Variants in SERPINA4 observed in about 807,000 individuals in gnomAD.
SERPINA4 encodes the protein kallistatin.
In SERPINA4, 24 loss-of-function variants were observed where a neutral mutation model predicts 25.4. The ratio of observed to expected loss-of-function variants is 0.95; its 90% confidence interval spans 0.69 to 1.33. The LOEUF is 1.33. Among genes scored for constraint, SERPINA4 ranks in the 40% most tolerant of loss-of-function variants. The probability of loss-of-function intolerance (pLI) is 0.00; values close to 1 mark genes in which losing one functional copy is unlikely to be tolerated. For synonymous variants in SERPINA4, 242 were observed against 223.6 expected (o/e 1.08, Z -0.73); for missense variants, 553 against 535.8 (o/e 1.03, Z -0.32).
At position 94,566,305 on chromosome 14, in the gene SERPINA4, A is replaced by G. The variant is rs1254657180; in HGVS notation, c.650-665A>G. ...GGTCTCACTTGATATTTGTGAATGC[A>G]AATTTTCATTGATATCTCTACACTG... On this transcript the variant is annotated intron_variant, in intron 2 of 4. Coordinates refer to ENST00000557004, the MANE Select transcript of SERPINA4 (RefSeq NM_006215.4). 3.3e-5 allele frequency among the ~76,000 whole-genome samples: 5 copies of G among 152,310 alleles called. No homozygotes were observed. In the East Asian group the frequency reaches 9.6e-4, roughly 29 times the overall value.
chr14:94,564,691 T>C (rs1022864547), intron 2 of SERPINA4, among the ~76,000 whole-genome samples: 1 of 152,236 alleles, frequency 6.6e-6, no homozygotes, highest in African/African-American at 2.4e-5. Flanking sequence ...GCAGGTTGAT[T>C]CATTACTGCA....
chr14:94,563,632 G>C lies in SERPINA4; in HGVS notation c.150G>C (p.Lys50Asn). The C allele has an allele frequency of 1.2e-6, 2 of 1,613,876 alleles. No individual in the cohort carries two copies. The highest frequency in any genetic ancestry group is 1.7e-6 in the Non-Finnish European group (2 of 1,180,038). The change falls in exon 2 of 5, where the codon AAG becomes AAC. Residue 50 changes from lysine (K) to asparagine (N), a missense_variant. Coordinates refer to ENST00000557004, the MANE Select transcript of SERPINA4 (RefSeq NM_006215.4). ...LETGEGSPSL[K>N]IAPANADFAF... ...CAGGTGAGGGCTCCCCCAGCCTCAA[G>C]ATAGCCCCTGCCAATGCTGACTTTG...
intron 4 of SERPINA4, 127 bp downstream of exon 4, chr14:94,568,415 A>G: frequency 1.0e-6 from 1 of 961,716 alleles, no homozygotes; most frequent in Non-Finnish European, 1.5e-6. Flanking sequence ...AGTCATCTAC[A>G]GGCATCAGCA....
chr14:94,568,468 G>A (rs971490060), intron 4 of SERPINA4, among the ~76,000 whole-genome samples, 180 bp downstream of exon 4: 5 of 152,202 alleles, frequency 3.3e-5, no homozygotes, highest in Admixed American at 1.3e-4. Context: ...AGGTGCTGGA[G>A]ATATAGTGTT....
intron 2 of SERPINA4, 102 bp from the exon 3 acceptor site, chr14:94,566,868 C>A: frequency 1.5e-6 from 2 of 1,368,528 alleles, no homozygotes; most frequent in Non-Finnish European, 2.0e-6. Context: ...GGATCTGGAG[C>A]GACTGTTTCT....
At chr14:94,568,964 G>T (rs1318091382) in intron 4 of SERPINA4, among the ~76,000 whole-genome samples, 1 of 152,106 alleles carries the variant, frequency 6.6e-6, no homozygotes, top group Admixed American at 6.5e-5. Flanking sequence ...TTGCAGATAA[G>T]AGAAAGAGAC....
In SERPINA4 at chr14:94,563,614, G is replaced by A. The variant is rs780563172; in HGVS notation, c.132G>A (p.Glu44=). 1 of 1,613,778 alleles carries A rather than the reference G, an allele frequency of 6.2e-7. No individual in the cohort carries two copies. Among genetic ancestry groups the A allele is most frequent in the African/African-American group, 1.3e-5 (1 of 74,940 alleles). The part of the protein sequence containing the change: ...SSHQQILETG[E]GSPSLKIAPA... ...ACCAGCAGATTCTGGAGACAGGTGA[G>A]GGCTCCCCCAGCCTCAAGATAGCCC... The change falls in exon 2 of 5, where the codon GAG becomes GAA. Residue 44 remains glutamate (E), a synonymous_variant. Coordinates refer to ENST00000557004, the MANE Select transcript of SERPINA4 (RefSeq NM_006215.4).
chr14:94,568,224 A>G lies in SERPINA4; in HGVS notation c.1019A>G (p.Asp340Gly). Reference protein sequence around the residue: ...DQILPRLGFTDLFSKWADLSG... With the variant: ...DQILPRLGFTGLFSKWADLSG... ...ATTTTGCCCAGGCTGGGCTTCACGGATCTGTTCTCCAAGTGGGCTGACTTA... is the reference window on the plus strand; with the variant it reads ...ATTTTGCCCAGGCTGGGCTTCACGGGTCTGTTCTCCAAGTGGGCTGACTTA... The change falls in exon 4 of 5, where the codon GAT becomes GGT. Residue 340 changes from aspartate (D) to glycine (G), a missense_variant. Physicochemically the swap from Asp to Gly is moderately conservative, Grantham distance 94. Coordinates refer to ENST00000557004, the MANE Select transcript of SERPINA4 (RefSeq NM_006215.4). 1 of 1,614,176 alleles carries G rather than the reference A, an allele frequency of 6.2e-7. No individual in the cohort carries two copies. The highest frequency in any genetic ancestry group is 8.5e-7 in the Non-Finnish European group (1 of 1,180,020).
chr14:94,562,629 A>G (rs901676373), intron 1 of SERPINA4, among the ~76,000 whole-genome samples: 8 of 152,244 alleles, frequency 5.3e-5, no homozygotes, highest in Admixed American at 3.9e-4. Context: ...AACCAAACAA[A>G]CAAAAAAAAC....
At chr14:94,561,768 C>A (rs559530503) in intron 1 of SERPINA4, 10 of 1,289,492 alleles carry the variant, frequency 7.8e-6, no homozygotes, top group African/African-American at 3.0e-5. Flanking sequence ...TGGTACAGGG[C>A]GGCACTGACT....
At chr14:94,563,313 A>G (rs1902083084) in intron 1 of SERPINA4, 153 bp from the exon 2 acceptor site, 1 of 214,546 alleles carries the variant, frequency 4.7e-6, no homozygotes, top group Non-Finnish European at 8.0e-6. Context: ...TACATGTGGA[A>G]GGTGGTGGGT....
In SERPINA4 at chr14:94,565,894, A is replaced by AT. The variant is rs1387668520; in HGVS notation, c.650-1076_650-1075insT. Among the ~76,000 whole-genome samples the AT allele has an allele frequency of 1.9e-4, 29 of 151,250 alleles. No homozygotes were observed. In the East Asian group the frequency reaches 5.6e-3, roughly 29 times the overall value. ...TGAAATAACAAAACTTTTAAACTTT[A>AT]AAAAAAAAATTAACTAAGGAAGGAA... On this transcript the variant is annotated intron_variant, in intron 2 of 4. Coordinates refer to ENST00000557004, the MANE Select transcript of SERPINA4 (RefSeq NM_006215.4).
rs760141101 is a variant in SERPINA4, at chr14:94,568,195, T to A, written c.990T>A (p.Asp330Glu). The change falls in exon 4 of 5, where the codon GAT becomes GAA. Residue 330 changes from aspartate (D) to glutamate (E), a missense_variant. By Grantham distance (45) the Asp-to-Glu change is conservative. Transcript: ENST00000557004. ...KFSISGSYVL[D>E]QILPRLGFTD... Reference sequence around the variant, plus strand: ...CCATTTCTGGCTCCTATGTATTAGATCAGATTTTGCCCAGGCTGGGCTTCA... The same window carrying A: ...CCATTTCTGGCTCCTATGTATTAGAACAGATTTTGCCCAGGCTGGGCTTCA... The A allele has an allele frequency of 4.8e-5, 78 of 1,614,112 alleles. No individual in the cohort carries two copies. Among genetic ancestry groups the A allele is most frequent in the Non-Finnish European group, 6.4e-5 (75 of 1,180,050 alleles).
At chr14:94,566,336 C>T (rs1902208882) in intron 2 of SERPINA4, among the ~76,000 whole-genome samples, 2 of 152,212 alleles carry the variant, frequency 1.3e-5, no homozygotes, top group Non-Finnish European at 2.9e-5. Flanking sequence ...CACTGTCCAG[C>T]AATCCTACCT....
chr14:94,563,324 G>C, intron 1 of SERPINA4, 142 bp from the exon 2 acceptor site: 1 of 788,484 alleles, frequency 1.3e-6, no homozygotes, highest in Non-Finnish European at 2.1e-6. Context: ...GGTGGTGGGT[G>C]TTACATTGCC....
chr14:94,569,730 C>A lies in SERPINA4; in HGVS notation c.*135C>A, dbSNP rs940699658. The A allele has an allele frequency of 2.2e-6, 2 of 902,104 alleles. No individual in the cohort carries two copies. Among genetic ancestry groups the A allele is most frequent in the Admixed American group, 2.3e-5 (1 of 43,592 alleles). 55.9% of individuals were successfully genotyped at this position (902,104 alleles called of 1,614,324 possible). A position where few individuals can be genotyped will look rare whatever the true frequency, so the allele number is the denominator to read the frequency against. On this transcript the variant is annotated 3_prime_UTR_variant, in exon 5 of 5. Transcript: ENST00000557004. ...GGAGTCCAGGACAGCAGGTGCTGGC[C>A]GGTGGGGAGCGGGGAGGGGCACTGA...
intron 1 of SERPINA4, among the ~76,000 whole-genome samples, chr14:94,562,415 T>C (rs1395153695): frequency 9.2e-5 from 14 of 152,084 alleles, no homozygotes; most frequent in Non-Finnish European, 1.0e-4. Context: ...CCCAACTCTA[T>C]AAAAAATTAG....
At position 94,569,903 on chromosome 14, in the gene SERPINA4, T is replaced by A; in HGVS notation, c.*308T>A. 1 of 417,278 alleles carries A rather than the reference T, an allele frequency of 2.4e-6. No individual in the cohort carries two copies. The highest frequency in any genetic ancestry group is 4.4e-6 in the Non-Finnish European group (1 of 226,560). The allele number at this position is 417,278 out of a possible 1,614,324, so 25.8% of individuals were successfully genotyped here. A position where few individuals can be genotyped will look rare whatever the true frequency, so the allele number is the denominator to read the frequency against. On this transcript the variant is annotated 3_prime_UTR_variant, in exon 5 of 5. Transcript: ENST00000557004. ...GTACCGAGTAAACAACACGATGCCA[T>A]GAAGACCCTGGTTCAGTGTCTCGCA...
At position 94,569,701 on chromosome 14, in the gene SERPINA4, TC is replaced by T; in HGVS notation, c.*108del. The stretch of plus-strand genomic sequence containing the variant: ...TTGGGGACAAGGATGACACCGAAGG[TC>T]CAGGAGTCCAGGACAGCAGGTGCTG... On this transcript the variant is annotated 3_prime_UTR_variant, in exon 5 of 5. Coordinates refer to ENST00000557004, the MANE Select transcript of SERPINA4 (RefSeq NM_006215.4). The T allele has an allele frequency of 8.2e-7, 1 of 1,223,776 alleles. No homozygotes were observed. The highest frequency in any genetic ancestry group is 1.2e-6 in the Non-Finnish European group (1 of 863,136). The allele number at this position is 1,223,776 out of a possible 1,614,324, so 75.8% of individuals were successfully genotyped here. A position where few individuals can be genotyped will look rare whatever the true frequency, so the allele number is the denominator to read the frequency against.
Sources: gnomAD v4.1 joint callset for allele counts (sites outside exome capture counted in the v4.1 genomes callset) on GRCh38, gnomAD v4.1.1 for gene constraint, MANE v1.5 for transcripts, NCBI Gene and HGNC (gene_info 2026-07-23, HGNC 2026-07-21) for gene names.